The following CNKSR2 variants were observed in gnomAD, a reference collection of about 807,000 sequenced individuals.
CNKSR2 encodes the protein connector enhancer of kinase suppressor of Ras 2, also known as CNK homolog protein 2.
A neutral mutation model predicts 84.4 loss-of-function variants in CNKSR2; 14 were observed. The observed-to-expected ratio is 0.17, with a 90% confidence interval of 0.11 to 0.26. The LOEUF is 0.26. CNKSR2 is among the 10% of genes least tolerant of loss of function. CNKSR2 has a pLI of 1.00. For synonymous variants in CNKSR2, 275 were observed against 277.9 expected, an observed-to-expected ratio of 0.99 and a Z score of 0.10; for missense variants, 485 against 771.2, an observed-to-expected ratio of 0.63 and a Z score of 4.40.
At chrX:21,524,948 G>A (rs968820458) in intron 9 of CNKSR2, among the ~76,000 whole-genome samples, 1 of 111,243 alleles carries the variant, frequency 9.0e-6, no homozygotes, top group Non-Finnish European at 1.9e-5. Flanking sequence ...CAGTGTATCT[G>A]TTTCAAAGAA....
intron 1 of CNKSR2, among the ~76,000 whole-genome samples, chrX:21,419,610 G>C (rs914146597): frequency 1.3e-4 from 15 of 111,758 alleles, no homozygotes; most frequent in African/African-American, 4.6e-4. Flanking sequence ...GCCTCAGGGA[G>C]CACCCCAAGC....
intron 20 of CNKSR2, among the ~76,000 whole-genome samples, chrX:21,630,629 C>A (rs2092643534): frequency 9.0e-6 from 1 of 110,716 alleles, no homozygotes; most frequent in Admixed American, 9.7e-5. Context: ...TTGCATATTG[C>A]CCCTCAGACT....
At chrX:21,468,214 A>G (rs1046390342) in intron 4 of CNKSR2, among the ~76,000 whole-genome samples, 3 of 110,711 alleles carry the variant, frequency 2.7e-5, no homozygotes, top group Non-Finnish European at 5.7e-5. Flanking sequence ...GTTGATTAAT[A>G]TTTGCTGAAT....
At chrX:21,553,910 A>G (rs926397264) in intron 11 of CNKSR2, among the ~76,000 whole-genome samples, 2 of 111,711 alleles carry the variant, frequency 1.8e-5, no homozygotes, top group African/African-American at 3.2e-5. Context: ...AGAGACAAGT[A>G]TTTTAGCCTA....
intron 5 of CNKSR2, among the ~76,000 whole-genome samples, chrX:21,480,932 T>C (rs1194732697): frequency 8.9e-6 from 1 of 112,112 alleles, no homozygotes; most frequent in East Asian, 2.8e-4. Flanking sequence ...AGCACAGTGG[T>C]TAAGCACGCA....
chrX:21,560,477 A>G (rs2092177941), intron 11 of CNKSR2, among the ~76,000 whole-genome samples: 1 of 111,254 alleles, frequency 9.0e-6, no homozygotes, highest in Non-Finnish European at 1.9e-5. Context: ...AAACAATTTA[A>G]TACTTATGAA....
intron 2 of CNKSR2, 74 bp downstream of exon 2, chrX:21,426,734 C>T (rs3752330): frequency 0.2 from 211,955 of 1,059,724 alleles, 24,780 homozygotes; most frequent in African/African-American, 0.88. Context: ...TTTTCTTCTC[C>T]TCTTTTGATA....
intron 13 of CNKSR2, among the ~76,000 whole-genome samples, chrX:21,575,765 T>C (rs1034338124): frequency 7.2e-5 from 8 of 111,870 alleles, no homozygotes; most frequent in Non-Finnish European, 1.5e-4. Context: ...ACGGACTCTC[T>C]TTAGCCAACA....
intron 13 of CNKSR2, among the ~76,000 whole-genome samples, chrX:21,577,352 C>T (rs1343578449): frequency 9.0e-6 from 1 of 111,194 alleles, no homozygotes; most frequent in Non-Finnish European, 1.9e-5. Flanking sequence ...CCATGTAAAA[C>T]ATGATGCAGA....
At position 21,587,857 on chromosome X, in the gene CNKSR2, A is replaced by G. The variant is rs932748275; in HGVS notation, c.1609-2715A>G. Among the ~76,000 whole-genome samples the G allele has an allele frequency of 3.6e-5, 4 of 111,982 alleles. No homozygotes were observed. The East Asian group carries it at 8.4e-4, about 24-fold the overall frequency. On this transcript the variant is annotated intron_variant, in intron 13 of 21. Coordinates refer to ENST00000379510, the MANE Select transcript of CNKSR2 (RefSeq NM_014927.5). ...CCACCTACATGTTCAGTGATTTGCT[A>G]GAAGAACTCATAGGACTCAACATAT...
At chrX:21,633,000 C>T (rs1315821023) in intron 20 of CNKSR2, among the ~76,000 whole-genome samples, 1 of 110,652 alleles carries the variant, frequency 9.0e-6, no homozygotes, top group Non-Finnish European at 1.9e-5. Context: ...TACACACACA[C>T]ACACACACAC....
chrX:21,550,418 C>T (rs1380196046), intron 11 of CNKSR2, among the ~76,000 whole-genome samples: 1 of 112,029 alleles, frequency 8.9e-6, no homozygotes, highest in Non-Finnish European at 1.9e-5. Flanking sequence ...CAGGAAACAA[C>T]AGATGCTGGA....
intron 1 of CNKSR2, among the ~76,000 whole-genome samples, chrX:21,382,345 T>G (rs1225580226): frequency 8.9e-6 from 1 of 111,898 alleles, no homozygotes; most frequent in Non-Finnish European, 1.9e-5. Flanking sequence ...TTGGTGTTTA[T>G]GCCATATTAT....
At chrX:21,447,928 CA>C (rs1490755291) in intron 4 of CNKSR2, among the ~76,000 whole-genome samples, 1 of 111,436 alleles carries the variant, frequency 9.0e-6, no homozygotes, top group Non-Finnish European at 1.9e-5. Flanking sequence ...TGGGGTTTGG[CA>C]TCAGTATTAT....
At chrX:21,569,680 A>G (rs1361246537) in intron 13 of CNKSR2, among the ~76,000 whole-genome samples, 2 of 112,567 alleles carry the variant, frequency 1.8e-5, no homozygotes, top group African/African-American at 3.2e-5. Flanking sequence ...GCCCAGATCC[A>G]TCAGAGGAAT....
At chrX:21,572,587 A>T (rs1364123513) in intron 13 of CNKSR2, among the ~76,000 whole-genome samples, 4 of 111,504 alleles carry the variant, frequency 3.6e-5, no homozygotes, top group Non-Finnish European at 5.6e-5. Flanking sequence ...AAGAGGAAGC[A>T]AACACATCCT....
At position 21,499,889 on chromosome X, in the gene CNKSR2, C is replaced by T. The variant is rs762815380; in HGVS notation, c.742-1631C>T. On this transcript the variant is annotated intron_variant, in intron 7 of 21. Transcript: ENST00000379510. The stretch of plus-strand genomic sequence containing the variant: ...TTACCTGTGCAAAATGTTTCAGTTT[C>T]TTTGAATTTTATATACTATCATTTT... 9.9e-5 allele frequency among the ~76,000 whole-genome samples: 11 copies of T among 110,671 alleles called. No individual in the cohort carries two copies. In the South Asian group the frequency reaches 4.2e-3, roughly 42 times the overall value.
intron 13 of CNKSR2, among the ~76,000 whole-genome samples, chrX:21,572,131 A>G (rs763271285): frequency 1.6e-3 from 182 of 112,361 alleles, no homozygotes; most frequent in African/African-American, 5.7e-3. Context: ...AGCATTTGCA[A>G]ACCCCTACAT....
At chrX:21,523,416 GT>G (rs1371962875) in intron 9 of CNKSR2, among the ~76,000 whole-genome samples, 2 of 111,123 alleles carry the variant, frequency 1.8e-5, no homozygotes, top group African/African-American at 6.5e-5. Context: ...TCCCATTCAT[GT>G]TTTGTCAATA....
Sources: allele counts gnomAD v4.1 joint callset (sites outside exome capture counted in the v4.1 genomes callset), GRCh38; gene constraint gnomAD v4.1.1; transcripts MANE v1.5; gene names NCBI Gene and HGNC (gene_info 2026-07-23, HGNC 2026-07-21).